GRIK2: variants seen among roughly 807,000 people sequenced by gnomAD.
The protein encoded by GRIK2 is glutamate receptor ionotropic, kainate 2.
A neutral mutation model predicts 100.3 loss-of-function variants in GRIK2; 32 were observed. The ratio of observed to expected loss-of-function variants is 0.32; its 90% CI spans 0.24 to 0.43. GRIK2 has a LOEUF of 0.43. GRIK2 is among the 20% of genes least tolerant of loss of function. The pLI is 1.00. For synonymous variants in GRIK2, 417 were observed against 389.4 expected, an observed-to-expected ratio of 1.07 and a Z score of -0.83; for missense variants, 843 against 1,114.9, an observed-to-expected ratio of 0.76 and a Z score of 3.47.
chr6:101,654,018 T>C (rs1002839621), intron 4 of GRIK2, among the ~76,000 whole-genome samples: 1 of 152,202 alleles, frequency 6.6e-6, no homozygotes, highest in Non-Finnish European at 1.5e-5. Context: ...TTATTTTCTG[T>C]CTCCTCGTTT....
At chr6:102,056,408 T>C (rs893268247) in intron 16 of GRIK2, among the ~76,000 whole-genome samples, 1 of 151,994 alleles carries the variant, frequency 6.6e-6, no homozygotes, top group Non-Finnish European at 1.5e-5. Context: ...ACTTTTTGTA[T>C]GCAAATTCAT....
intron 10 of GRIK2, among the ~76,000 whole-genome samples, chr6:101,819,560 C>A (rs1297971702): frequency 6.6e-6 from 1 of 152,262 alleles, no homozygotes; most frequent in Admixed American, 6.5e-5. Context: ...ATCCAAACGT[C>A]TAAGACACCC....
intron 2 of GRIK2, among the ~76,000 whole-genome samples, chr6:101,515,584 T>G (rs1774545855): frequency 6.6e-6 from 1 of 152,064 alleles, no homozygotes; most frequent in Non-Finnish European, 1.5e-5. Context: ...ATGTACTGTT[T>G]ATTGATTTTT....
intron 10 of GRIK2, among the ~76,000 whole-genome samples, chr6:101,820,946 T>G (rs1781916617): frequency 1.3e-5 from 2 of 152,312 alleles, no homozygotes; most frequent in East Asian, 3.9e-4. Flanking sequence ...TATGTATGTT[T>G]GTGTTTCCAC....
intron 7 of GRIK2, among the ~76,000 whole-genome samples, chr6:101,728,504 A>G (rs1388098779): frequency 6.6e-6 from 1 of 152,090 alleles, no homozygotes; most frequent in East Asian, 1.9e-4. Flanking sequence ...AAATGAAATT[A>G]GTTATTTATT....
chr6:101,910,966 G>C (rs1788649289), intron 12 of GRIK2, among the ~76,000 whole-genome samples: 1 of 150,816 alleles, frequency 6.6e-6, no homozygotes, highest in Admixed American at 6.7e-5. Context: ...CCCTTCAGTG[G>C]ATTTACTTCA....
intron 2 of GRIK2, among the ~76,000 whole-genome samples, chr6:101,471,880 A>G (rs1464779790): frequency 2.0e-5 from 3 of 151,946 alleles, no homozygotes; most frequent in African/African-American, 7.2e-5. Flanking sequence ...TATTATGTAT[A>G]TAGATGAACA....
At chr6:101,995,188 G>A (rs1356960926) in intron 14 of GRIK2, among the ~76,000 whole-genome samples, 1 of 151,898 alleles carries the variant, frequency 6.6e-6, no homozygotes, top group Admixed American at 6.6e-5. Flanking sequence ...TGAGAACAGA[G>A]AGTAACTTGC....
chr6:101,980,268 C>T (rs533615695), intron 14 of GRIK2, among the ~76,000 whole-genome samples: 1 of 152,018 alleles, frequency 6.6e-6, no homozygotes, highest in African/African-American at 2.4e-5. Flanking sequence ...ATGATTCTTT[C>T]CAGTGGGATG....
intron 2 of GRIK2, among the ~76,000 whole-genome samples, chr6:101,415,122 T>C (rs1776071333): frequency 6.6e-6 from 1 of 152,158 alleles, no homozygotes; most frequent in African/African-American, 2.4e-5. Context: ...ATCACTGTTA[T>C]CATTTTGTTT....
rs1346686298 is a variant in GRIK2, at chr6:101,791,594, T to C, written c.952-8054T>C. Among the ~76,000 whole-genome samples, 491 of 152,058 alleles carry C rather than the reference T, an allele frequency of 3.2e-3. 4 individuals carry two copies. Among genetic ancestry groups the C allele is most frequent in the South Asian group, 0.017 (83 of 4,792 alleles). On this transcript the variant is annotated intron_variant, in intron 7 of 16. Coordinates refer to ENST00000369134, the MANE Select transcript of GRIK2 (RefSeq NM_021956.5). Reference sequence around the variant, plus strand: ...GAGACAGTTTGTTATAATTTCTTTTTTTTTACATTTGCTGAGGAGAGCTTT... The same window carrying C: ...GAGACAGTTTGTTATAATTTCTTTTCTTTTACATTTGCTGAGGAGAGCTTT...
At chr6:101,550,698 C>T (rs1201427918) in intron 2 of GRIK2, among the ~76,000 whole-genome samples, 3 of 152,120 alleles carry the variant, frequency 2.0e-5, no homozygotes. Flanking sequence ...CCCAATTTTA[C>T]CTTTCTAGTC....
intron 14 of GRIK2, among the ~76,000 whole-genome samples, chr6:102,028,912 C>T (rs775539967): frequency 4.6e-5 from 7 of 151,040 alleles, no homozygotes; most frequent in Non-Finnish European, 4.4e-5. Flanking sequence ...TACTTGGCTA[C>T]CCTCAAGGTG....
chr6:101,833,830 A>G (rs920509211), intron 10 of GRIK2, among the ~76,000 whole-genome samples: 1 of 151,978 alleles, frequency 6.6e-6, no homozygotes, highest in East Asian at 1.9e-4. Flanking sequence ...TGACTGCTCA[A>G]TAATTACAAT....
intron 12 of GRIK2, among the ~76,000 whole-genome samples, chr6:101,909,946 A>G (rs1788555086): frequency 6.6e-6 from 1 of 151,206 alleles, no homozygotes; most frequent in Non-Finnish European, 1.5e-5. Flanking sequence ...TAAAAATCTG[A>G]TAAAATCAGA....
At chr6:101,699,324 A>T (rs527802758) in intron 7 of GRIK2, among the ~76,000 whole-genome samples, 26 of 152,118 alleles carry the variant, frequency 1.7e-4, no homozygotes, top group African/African-American at 6.3e-4. Flanking sequence ...TAGAGCTCAA[A>T]TTTACTCTCA....
At chr6:101,855,512 T>C (rs1345099801) in intron 10 of GRIK2, among the ~76,000 whole-genome samples, 3 of 152,052 alleles carry the variant, frequency 2.0e-5, no homozygotes, top group Non-Finnish European at 2.9e-5. Flanking sequence ...GATCTTAAGA[T>C]AGATCTTCCC....
rs2114548516 is a variant in GRIK2, at chr6:102,069,372, G to A, written c.*861G>A. The A allele has an allele frequency of 1.3e-5, 2 of 149,970 alleles. No homozygotes were observed. Among genetic ancestry groups the A allele is most frequent in the South Asian group, 4.2e-4 (2 of 4,756 alleles). 9.3% of individuals were successfully genotyped at this position (149,970 alleles called of 1,614,324 possible). On this transcript the variant is annotated 3_prime_UTR_variant, in exon 17 of 17. Coordinates refer to ENST00000369134, the MANE Select transcript of GRIK2 (RefSeq NM_021956.5). Reference sequence around the variant, plus strand: ...TGGTTCAGTGATTCTGAATTAAAAGGATAATGTTTTGCAATGTTCAAGTTG... The same window carrying A: ...TGGTTCAGTGATTCTGAATTAAAAGAATAATGTTTTGCAATGTTCAAGTTG...
chr6:101,838,000 C>G (rs757093145), intron 10 of GRIK2, among the ~76,000 whole-genome samples: 11 of 152,086 alleles, frequency 7.2e-5, no homozygotes, highest in Non-Finnish European at 1.6e-4. Context: ...CCCTTCTCCC[C>G]CAAAGCACGT....
Sources: gnomAD v4.1 joint callset for allele counts (sites outside exome capture counted in the v4.1 genomes callset) on GRCh38, gnomAD v4.1.1 for gene constraint, MANE v1.5 for transcripts, NCBI Gene and HGNC (gene_info 2026-07-23, HGNC 2026-07-21) for gene names.